Variants in PSMD2 observed in about 807,000 individuals in gnomAD.
PSMD2 encodes the protein proteasome 26S subunit ubiquitin receptor, non-ATPase 2.
In PSMD2, 8 loss-of-function variants were observed where a neutral mutation model predicts 101.5. That is an observed-to-expected ratio of 0.08 (90% CI 0.05 to 0.14). PSMD2 has a LOEUF of 0.14. Among genes scored for constraint, PSMD2 ranks in the 10% least tolerant of loss-of-function variants. The pLI is 1.00. For missense variants in PSMD2, 784 were observed against 1,147.4 expected (o/e 0.68, Z 4.58); for synonymous variants, 418 against 433.8 (o/e 0.96, Z 0.45).
Position 184,300,457 on chromosome 3 carries a change from C to A in PSMD2, c.357+13C>A, listed in dbSNP as rs1721604739. Reference sequence around the variant, plus strand: ...TGGGGAGAATAAGGTAAAACTGTTTCAAACCTGGTGGAGGCCTAGTTTAGG... The same window carrying A: ...TGGGGAGAATAAGGTAAAACTGTTTAAAACCTGGTGGAGGCCTAGTTTAGG... On this transcript the variant is annotated intron_variant, in intron 3 of 20. Coordinates refer to ENST00000310118, the MANE Select transcript of PSMD2 (RefSeq NM_002808.5). 2 of 1,610,080 alleles carry A rather than the reference C, an allele frequency of 1.2e-6. No individual in the cohort carries two copies. The highest frequency in any genetic ancestry group is 1.7e-6 in the Non-Finnish European group (2 of 1,177,982).
chr3:184,301,632 G>T lies in PSMD2; in HGVS notation c.453G>T (p.Leu151Phe). ...GGCTAGTGGGCTCCCAGGAGGAATT[G>T]GCATCATGGGGTCATGAGTATGTCA... ...KYRLVGSQEELASWGHEYVRH... is the reference protein window; with the variant it reads ...KYRLVGSQEEFASWGHEYVRH... The change falls in exon 4 of 21, where the codon TTG (leucine) becomes TTT (phenylalanine). Residue 151 changes from leucine (L) to phenylalanine (F), a missense_variant. Physicochemically the swap from Leu to Phe is conservative, Grantham distance 22. Transcript: ENST00000310118. The T allele has an allele frequency of 6.2e-7, 1 of 1,614,150 alleles. No individual in the cohort carries two copies. The highest frequency in any genetic ancestry group is 2.2e-5 in the East Asian group (1 of 44,886).
intron 10 of PSMD2, 40 bp from the exon 11 acceptor site, chr3:184,303,907 A>G (rs748247228): frequency 1.2e-6 from 2 of 1,614,132 alleles, no homozygotes; most frequent in East Asian, 2.2e-5. Context: ...GGTGAGGAAG[A>G]TAGAGTATCC....
At chr3:184,303,217 C>A in intron 8 of PSMD2, 103 bp from the exon 9 acceptor site, 1 of 1,516,718 alleles carries the variant, frequency 6.6e-7, no homozygotes. Flanking sequence ...GTAGAGGATA[C>A]TAAGGGACTA....
chr3:184,299,598 A>G (rs771800044), intron 1 of PSMD2, 197 bp downstream of exon 1: 7 of 781,876 alleles, frequency 9.0e-6, no homozygotes, highest in Admixed American at 3.3e-5. Context: ...GTCCCCACCA[A>G]CCCTCACCAC....
chr3:184,309,016 A>C lies in PSMD2; in HGVS notation c.*126A>C, dbSNP rs1721944949. 9.9e-7 allele frequency: 1 copy of C among 1,015,228 alleles called. No homozygotes were observed. The highest frequency in any genetic ancestry group is 1.5e-6 in the Non-Finnish European group (1 of 689,244). 62.9% of individuals were successfully genotyped at this position (1,015,228 alleles called of 1,614,324 possible). ...CCTCCTGCTCTTTTGTTACTGAGTG[A>C]GATAAGGTTGTTCAATAAAGACTTT... On this transcript the variant is annotated 3_prime_UTR_variant, in exon 21 of 21. Transcript: ENST00000310118.
chr3:184,302,834 C>G lies in PSMD2; in HGVS notation c.1008+11C>G, dbSNP rs766410547. 7 of 1,614,072 alleles carry G rather than the reference C, an allele frequency of 4.3e-6. No homozygotes were observed. The highest frequency in any genetic ancestry group is 3.3e-4 in the Middle Eastern group (2 of 6,060). On this transcript the variant is annotated intron_variant, in intron 7 of 20. Coordinates refer to ENST00000310118, the MANE Select transcript of PSMD2 (RefSeq NM_002808.5). ...GCCTTAGCTCGGGAGGTGAGACTGC[C>G]CTTTTTTCATCAAGGCCTTTTCGTC... is the stretch of plus-strand genomic sequence containing the variant.
rs1721584078 is a variant in PSMD2 at position 184,299,784 on chromosome 3, G to C, written c.136-67G>C. On this transcript the variant is annotated intron_variant, in intron 1 of 20. Coordinates refer to ENST00000310118, the MANE Select transcript of PSMD2 (RefSeq NM_002808.5). ...GGCAGGCTTATTCTTCACCTGCCCCGGGTAAGTGGGAGGAGGACGTCTTTG... is the reference window on the plus strand; with the variant it reads ...GGCAGGCTTATTCTTCACCTGCCCCCGGTAAGTGGGAGGAGGACGTCTTTG... 3.7e-6 allele frequency: 5 copies of C among 1,341,088 alleles called. No individual in the cohort carries two copies. The East Asian group carries it at 7.0e-5, about 19-fold the overall frequency. The allele number at this position is 1,341,088 out of a possible 1,614,324, so 83.1% of individuals were successfully genotyped here. A position where few individuals can be genotyped will look rare whatever the true frequency, so the allele number is the denominator to read the frequency against.
intron 16 of PSMD2, 30 bp from the exon 17 acceptor site, chr3:184,307,327 C>T (rs1344777119): frequency 6.8e-6 from 11 of 1,612,018 alleles, no homozygotes; most frequent in Non-Finnish European, 9.3e-6. Context: ...CTGCATTCCG[C>T]CTTACTGTTG....
chr3:184,299,454 C>T, intron 1 of PSMD2, 53 bp downstream of exon 1: 1 of 1,308,768 alleles, frequency 7.6e-7, no homozygotes. Flanking sequence ...TGAGTCACGG[C>T]GGCTCCGCAG....
rs949870905 is a variant in PSMD2 at position 184,304,844 on chromosome 3, C to T, written c.1539+453C>T. On this transcript the variant is annotated intron_variant, in intron 12 of 20. Transcript: ENST00000310118. The surrounding 1 kb of genome is among the most constrained non-coding windows in gnomAD (Gnocchi z 4.1). The stretch of plus-strand genomic sequence containing the variant: ...GGTGGAGGTTGCAGTGAGCTGAGAT[C>T]GCGCCACTGCACTCCAGTCTGGGTT... Among the ~76,000 whole-genome samples the T allele has an allele frequency of 2.2e-4, 33 of 151,994 alleles. No homozygotes were observed. The highest frequency in any genetic ancestry group is 6.8e-4 in the African/African-American group (28 of 41,376).
rs1454154631 is a variant in PSMD2 at position 184,307,879 on chromosome 3, G to T, written c.2299-11G>T. On this transcript the variant is annotated splice_polypyrimidine_tract_variant and intron_variant, in intron 18 of 20. Coordinates refer to ENST00000310118, the MANE Select transcript of PSMD2 (RefSeq NM_002808.5). ...TAACTCCTCACCTCTACTTCCCTCT[G>T]TTTTTTTCAGGGCCTGACACATTTA... 1 of 1,613,644 alleles carries T rather than the reference G, an allele frequency of 6.2e-7. No individual in the cohort carries two copies.
At chr3:184,299,953 C>T in intron 2 of PSMD2, 46 bp downstream of exon 2, 1 of 1,564,540 alleles carries the variant, frequency 6.4e-7, no homozygotes, top group South Asian at 1.1e-5. Flanking sequence ...TGGATCTTTC[C>T]CACTTGTTTT....
At position 184,305,872 on chromosome 3, in the gene PSMD2, T is replaced by G; in HGVS notation, c.1644T>G (p.Thr548=). 6.2e-7 allele frequency: 1 copy of G among 1,614,258 alleles called. No homozygotes were observed. Among genetic ancestry groups the G allele is most frequent in the Non-Finnish European group, 8.5e-7 (1 of 1,180,044 alleles). Residue 548 remains threonine, a synonymous_variant, in exon 13 of 21, where the codon ACT becomes ACG. Transcript: ENST00000310118. ...ILQTIMEKSE[T]ELKDTYARWL... is the part of the protein sequence containing the mutation. ...AGACCATCATGGAGAAGTCAGAGAC[T>G]GAGCTCAAGGATACTTATGCTCGTT...
rs1449296773 is a variant in PSMD2 at position 184,307,983 on chromosome 3, A to G, written c.2392A>G (p.Thr798Ala). ...MSQVAVAGLLTVLVSFLDVRN... is the reference protein window; with the variant it reads ...MSQVAVAGLLAVLVSFLDVRN... Reference sequence around the variant, plus strand: ...CCAGGTGGCCGTGGCTGGACTGCTCACTGTGCTTGTCTCTTTCCTGGATGT... The same window carrying G: ...CCAGGTGGCCGTGGCTGGACTGCTCGCTGTGCTTGTCTCTTTCCTGGATGT... The change falls in exon 19 of 21, where the codon ACT becomes GCT. Residue 798 changes from threonine (T) to alanine (A), a missense_variant. Physicochemically the swap from Thr to Ala is moderately conservative, Grantham distance 58 (BLOSUM62 0). Coordinates refer to ENST00000310118, the MANE Select transcript of PSMD2 (RefSeq NM_002808.5). The G allele has an allele frequency of 1.9e-6, 3 of 1,613,874 alleles. No individual in the cohort carries two copies. In the African/African-American group the frequency reaches 4.0e-5, roughly 22 times the overall value.
intron 8 of PSMD2, 31 bp from the exon 9 acceptor site, chr3:184,303,289 T>A (rs1373973770): frequency 7.5e-6 from 12 of 1,601,736 alleles, no homozygotes; most frequent in Non-Finnish European, 7.7e-6. Context: ...GAAACCTTCT[T>A]TCCTTACTTT....
chr3:184,306,969 T>C, intron 16 of PSMD2, 135 bp downstream of exon 16: 1 of 761,338 alleles, frequency 1.3e-6, no homozygotes, highest in East Asian at 2.6e-5. Context: ...TTTTCTTTTC[T>C]TTTTTGAAGC....
chr3:184,299,462 C>T (rs1483258937), intron 1 of PSMD2, 61 bp downstream of exon 1: 3 of 1,298,724 alleles, frequency 2.3e-6, no homozygotes, highest in Non-Finnish European at 2.9e-6. Flanking sequence ...GGCGGCTCCG[C>T]AGGCCTCAGG....
intron 12 of PSMD2, 111 bp from the exon 13 acceptor site, chr3:184,305,657 A>C (rs1246479109): frequency 7.1e-6 from 7 of 981,028 alleles, no homozygotes; most frequent in Non-Finnish European, 1.1e-5. Context: ...TTATGAACTA[A>C]TGTTATTAGG....
chr3:184,302,906 ACT>A (rs1721696394), intron 7 of PSMD2, 83 bp downstream of exon 7: 1 of 1,610,018 alleles, frequency 6.2e-7, no homozygotes, highest in African/African-American at 1.3e-5. Flanking sequence ...CTCTGACTAG[ACT>A]CTCCTTGATT....
Sources: gnomAD v4.1 joint callset for allele counts (sites outside exome capture counted in the v4.1 genomes callset) on GRCh38, gnomAD v4.1.1 for gene constraint, Gnocchi (gnomAD v3.1) non-coding constraint, MANE v1.5 for transcripts, NCBI Gene and HGNC (gene_info 2026-07-23, HGNC 2026-07-21) for gene names.